The following THSD4 variants were observed in gnomAD, a reference collection of about 807,000 sequenced individuals.
The protein encoded by THSD4 is thrombospondin type-1 domain-containing protein 4.
In THSD4, 69 loss-of-function variants were observed where a neutral mutation model predicts 119.0. That is an observed-to-expected ratio of 0.58 (90% confidence interval 0.48 to 0.71). The LOEUF is 0.71. Among genes scored for constraint, THSD4 ranks in the 30% least tolerant of loss-of-function variants. The pLI is 0.00. For synonymous variants in THSD4, 524 were observed against 540.4 expected (o/e 0.97, Z 0.42); for missense variants, 1,393 against 1,391.1 (o/e 1.00, Z -0.02).
chr15:71,369,493 G>T (rs189717660), intron 6 of THSD4, among the ~76,000 whole-genome samples: 39,438 of 152,014 alleles, frequency 0.26, 5,621 homozygotes, highest in East Asian at 0.54. Context: ...TAGCATGAAG[G>T]GCTGTTGAAT....
chr15:71,473,038 CTGTATTACT>C (rs1393513996), intron 7 of THSD4, among the ~76,000 whole-genome samples: 1 of 147,050 alleles, frequency 6.8e-6, no homozygotes, highest in Admixed American at 6.8e-5. Context: ...GTCTTTTTGA[CTGTATTACT>C]GTATTTGGCT....
At chr15:71,645,669 C>T (rs2050955401) in intron 7 of THSD4, among the ~76,000 whole-genome samples, 1 of 152,102 alleles carries the variant, frequency 6.6e-6, no homozygotes, top group Non-Finnish European at 1.5e-5. Flanking sequence ...AGTCCCAGGC[C>T]CTTGGGTTTG....
At chr15:71,488,099 G>T (rs2047850843) in intron 7 of THSD4, among the ~76,000 whole-genome samples, 1 of 152,100 alleles carries the variant, frequency 6.6e-6, no homozygotes, top group Non-Finnish European at 1.5e-5. Context: ...GATGCTTCTT[G>T]TATTTCTCTC....
At chr15:71,307,263 T>C (rs1287904961) in intron 6 of THSD4, among the ~76,000 whole-genome samples, 1 of 152,200 alleles carries the variant, frequency 6.6e-6, no homozygotes, top group East Asian at 1.9e-4. Flanking sequence ...GGTTGTCATG[T>C]AGCCATAGTT....
intron 8 of THSD4, among the ~76,000 whole-genome samples, chr15:71,674,768 G>T (rs149382431): frequency 2.6e-5 from 4 of 152,272 alleles, no homozygotes; most frequent in East Asian, 1.9e-4. Flanking sequence ...GGCAGAGAAG[G>T]GGGGAGGCGG....
Position 71,706,018 on chromosome 15 carries a change from G to C in THSD4, c.1358-22531G>C, listed in dbSNP as rs182014598. Among the ~76,000 whole-genome samples, 71 of 152,286 alleles carry C rather than the reference G, an allele frequency of 4.7e-4. 1 individual carries two copies. Among genetic ancestry groups the C allele is most frequent in the African/African-American group, 1.6e-3 (67 of 41,550 alleles). ...CAGACATGGTGAGGAATTGCATCTA[G>C]AGAATCATAAAGCCTCAGAGATTGT... On this transcript the variant is annotated intron_variant, in intron 8 of 17. Coordinates refer to ENST00000261862, the MANE Select transcript of THSD4 (RefSeq NM_024817.3).
intron 2 of THSD4, among the ~76,000 whole-genome samples, chr15:71,152,058 A>T (rs999910367): frequency 4.7e-4 from 71 of 152,224 alleles, no homozygotes; most frequent in African/African-American, 1.7e-3. Flanking sequence ...TCTTCTCCCC[A>T]CTAATTTCAT....
chr15:71,253,037 G>A (rs994972306), intron 5 of THSD4, among the ~76,000 whole-genome samples: 1 of 152,182 alleles, frequency 6.6e-6, no homozygotes, highest in Non-Finnish European at 1.5e-5. Flanking sequence ...CGTCATGTGA[G>A]TCCTTGCTGG....
chr15:71,738,879 A>G (rs765296743), intron 11 of THSD4, among the ~76,000 whole-genome samples: 1 of 152,178 alleles, frequency 6.6e-6, no homozygotes, highest in Admixed American at 6.5e-5. Context: ...ATCAGGTGGC[A>G]TATTCCAAGG....
intron 7 of THSD4, 95 bp downstream of exon 7, chr15:71,411,918 C>T (rs143330338): frequency 1.6e-4 from 244 of 1,527,416 alleles, no homozygotes; most frequent in African/African-American, 1.5e-3. Flanking sequence ...TGCTAGCTCC[C>T]CCCAGCCCAC....
intron 7 of THSD4, among the ~76,000 whole-genome samples, chr15:71,604,028 G>A (rs763117625): frequency 3.3e-5 from 5 of 152,186 alleles, no homozygotes; most frequent in Non-Finnish European, 7.3e-5. Flanking sequence ...ACACTCTTAA[G>A]TTGCTCTCCT....
rs1260105881 is a variant in THSD4, at chr15:71,489,822, AAC to A, written c.1152+78001_1152+78002del. The stretch of plus-strand genomic sequence containing the variant: ...TCAGAAGTCCGCTGCTGTCATTTTA[AAC>A]ATTTTTTTTTTTCTATTTTGAAAAT... On this transcript the variant is annotated intron_variant, in intron 7 of 17. Coordinates refer to ENST00000261862, the MANE Select transcript of THSD4 (RefSeq NM_024817.3). Among the ~76,000 whole-genome samples, 11 of 8,556 alleles carry A rather than the reference AAC, an allele frequency of 1.3e-3. No homozygotes were observed. The East Asian group carries it at 0.081, about 63-fold the overall frequency. 5.6% of individuals were successfully genotyped at this position (8,556 alleles called of 152,430 possible).
In THSD4 at chr15:71,633,265, CTTTCTTTTTTTTTTTT is replaced by C. The variant is rs1268956945; in HGVS notation, c.1153-27261_1153-27246del. ...TTTCTTCTTTTCTTTTTCTTTCTTTCTTTCTTTTTTTTTTTTTTTTTTTTTTTGGAGACAGGGTCTC... is the reference window on the plus strand; with the variant it reads ...TTTCTTCTTTTCTTTTTCTTTCTTTCTTTTTTTTTTTGGAGACAGGGTCTC... On this transcript the variant is annotated intron_variant, in intron 7 of 17. Coordinates refer to ENST00000261862, the MANE Select transcript of THSD4 (RefSeq NM_024817.3). Among the ~76,000 whole-genome samples, 13 of 123,618 alleles carry C rather than the reference CTTTCTTTTTTTTTTTT, an allele frequency of 1.1e-4. No individual in the cohort carries two copies. The East Asian group carries it at 2.9e-3, about 27-fold the overall frequency. 81.1% of individuals were successfully genotyped at this position (123,618 alleles called of 152,430 possible). A position where few individuals can be genotyped will look rare whatever the true frequency, so the allele number is the denominator to read the frequency against.
intron 8 of THSD4, among the ~76,000 whole-genome samples, chr15:71,687,235 A>G (rs2051930047): frequency 6.6e-6 from 1 of 152,212 alleles, no homozygotes; most frequent in Non-Finnish European, 1.5e-5. Flanking sequence ...TTTAAGGACT[A>G]TTGAGTCCAC....
At chr15:71,494,775 A>G (rs2047984677) in intron 7 of THSD4, among the ~76,000 whole-genome samples, 1 of 152,250 alleles carries the variant, frequency 6.6e-6, no homozygotes, top group South Asian at 2.1e-4. Context: ...GAAATTTCAC[A>G]GCTGGTTATT....
chr15:71,662,290 A>AT (rs2051326354), intron 8 of THSD4, among the ~76,000 whole-genome samples: 1 of 152,082 alleles, frequency 6.6e-6, no homozygotes. Flanking sequence ...GGGATGGCAG[A>AT]TGGGACTCAG....
intron 6 of THSD4, among the ~76,000 whole-genome samples, chr15:71,317,332 A>C (rs2045201497): frequency 6.6e-6 from 1 of 152,232 alleles, no homozygotes; most frequent in Non-Finnish European, 1.5e-5. Flanking sequence ...CAAGGCTGGT[A>C]ATTTGTAAAG....
At chr15:71,641,166 G>A (rs1455684606) in intron 7 of THSD4, among the ~76,000 whole-genome samples, 1 of 152,106 alleles carries the variant, frequency 6.6e-6, no homozygotes, top group Admixed American at 6.6e-5. Flanking sequence ...ATGGTGCTAA[G>A]CCCTTTACAG....
chr15:71,569,520 C>G (rs919360673), intron 7 of THSD4, among the ~76,000 whole-genome samples: 2 of 151,884 alleles, frequency 1.3e-5, no homozygotes, highest in African/African-American at 4.8e-5. Context: ...TACAAGAAAA[C>G]AAATAAGGGA....
Sources: allele counts gnomAD v4.1 joint callset (sites outside exome capture counted in the v4.1 genomes callset), GRCh38; gene constraint gnomAD v4.1.1; transcripts MANE v1.5; gene names NCBI Gene and HGNC (gene_info 2026-07-23, HGNC 2026-07-21).